Variants in SUGCT observed in about 807,000 individuals in gnomAD.
SUGCT encodes the protein succinyl-CoA:glutarate CoA-transferase.
Under a neutral mutation model 55.0 loss-of-function variants are expected in SUGCT, and 41 were observed. The observed-to-expected ratio is 0.74, with a 90% CI of 0.58 to 0.97. The LOEUF (loss-of-function observed/expected upper bound fraction) is 0.97, where lower values mean the gene tolerates loss of function less well. Ranked by LOEUF, SUGCT falls within the 50% of genes least tolerant of loss-of-function variation. The pLI, the probability that SUGCT is intolerant of heterozygous loss-of-function variation, is 0.00. For missense variants in SUGCT, 568 were observed against 547.8 expected, an observed-to-expected ratio of 1.04 and a Z score of -0.37; for synonymous variants, 187 against 200.4, an observed-to-expected ratio of 0.93 and a Z score of 0.56.
At chr7:40,217,221 T>G (rs1466344840) in intron 6 of SUGCT, among the ~76,000 whole-genome samples, 3 of 151,974 alleles carry the variant, frequency 2.0e-5, no homozygotes, top group African/African-American at 7.2e-5. Context: ...TTCTTCTTCT[T>G]TTTTTTAAGA....
In SUGCT at chr7:40,249,321, A is replaced by ATC. The variant is rs1326008353; in HGVS notation, c.576+11596_576+11597insCT. 4.6e-5 allele frequency among the ~76,000 whole-genome samples: 5 copies of ATC among 109,430 alleles called. No homozygotes were observed. The South Asian group carries it at 1.0e-3, about 23-fold the overall frequency. The allele number at this position is 109,430 out of a possible 152,430, so 71.8% of individuals were successfully genotyped here. ...CAAAAAACACCAAAAAGCTATATAT[A>ATC]TATATATATATATATATATATATAT... On this transcript the variant is annotated intron_variant, in intron 7 of 13. Transcript: ENST00000335693.
At chr7:40,881,202 C>T in the SUGCT span, among the ~76,000 whole-genome samples, 1 of 152,174 alleles carries the variant, frequency 6.6e-6, no homozygotes, top group Admixed American at 6.5e-5. Context: ...AACTACTTCT[C>T]ATGACCCATC....
intron 9 of SUGCT, among the ~76,000 whole-genome samples, chr7:40,339,205 T>TGAG (rs1796904493): frequency 6.6e-6 from 1 of 152,138 alleles, no homozygotes; most frequent in Admixed American, 6.5e-5. Flanking sequence ...GGGGCACACT[T>TGAG]GAGGAGGCAG....
At chr7:40,174,180 G>T (rs1784814479) in intron 1 of SUGCT, among the ~76,000 whole-genome samples, 1 of 152,020 alleles carries the variant, frequency 6.6e-6, no homozygotes, top group Non-Finnish European at 1.5e-5. Context: ...GCGCCACCAT[G>T]CCTGGCTAAT....
the SUGCT span, among the ~76,000 whole-genome samples, chr7:40,989,625 G>T: frequency 9.7e-4 from 146 of 150,858 alleles, no homozygotes; most frequent in African/African-American, 3.5e-3. Flanking sequence ...AAAAAAATCA[G>T]CTGGCCCTGG....
Position 40,284,645 on chromosome 7 carries a change from AACTAG to A in SUGCT, c.720+9990_720+9994del, listed in dbSNP as rs1793196500. On this transcript the variant is annotated intron_variant, in intron 8 of 13. Coordinates refer to ENST00000335693, the MANE Select transcript of SUGCT (RefSeq NM_001193313.2). ...AAAAAAATGAGGTGATGTGTATGTT[AACTAG>A]CTTGATTTAGTCATCTCACAGTGTA... 5.3e-5 allele frequency among the ~76,000 whole-genome samples: 8 copies of A among 151,424 alleles called. No individual in the cohort carries two copies. In the South Asian group the frequency reaches 1.7e-3, roughly 32 times the overall value.
intron 9 of SUGCT, among the ~76,000 whole-genome samples, chr7:40,351,602 C>T (rs941308572): frequency 2.8e-4 from 43 of 152,200 alleles, no homozygotes; most frequent in African/African-American, 1.0e-3. Flanking sequence ...GATCAGAGTT[C>T]CACATAATGT....
chr7:40,393,631 G>T (rs918990195), intron 9 of SUGCT, among the ~76,000 whole-genome samples: 2 of 152,038 alleles, frequency 1.3e-5, no homozygotes, highest in African/African-American at 4.8e-5. Flanking sequence ...AGAGGGAGGT[G>T]TTGAAGATAG....
chr7:40,950,625 C>T, the SUGCT span, among the ~76,000 whole-genome samples: 4 of 152,068 alleles, frequency 2.6e-5, no homozygotes, highest in South Asian at 2.1e-4. Context: ...TTTTGAGATA[C>T]GTCCCATCAA....
chr7:40,531,793 C>T (rs541126942), intron 12 of SUGCT, among the ~76,000 whole-genome samples: 1 of 151,844 alleles, frequency 6.6e-6, no homozygotes, highest in Non-Finnish European at 1.5e-5. Context: ...TCTGGCTCAG[C>T]CTCCCGAGTA....
intron 12 of SUGCT, among the ~76,000 whole-genome samples, chr7:40,618,962 C>G (rs923120567): frequency 1.3e-5 from 2 of 152,158 alleles, no homozygotes; most frequent in Non-Finnish European, 2.9e-5. Flanking sequence ...TGGACACTCT[C>G]CTAATTAGAG....
At chr7:40,344,120 T>G (rs1425542688) in intron 9 of SUGCT, among the ~76,000 whole-genome samples, 1 of 152,248 alleles carries the variant, frequency 6.6e-6, no homozygotes, top group Non-Finnish European at 1.5e-5. Flanking sequence ...TTATTCTATT[T>G]CTTCCTTGCT....
At chr7:40,377,244 T>TA (rs746472751) in intron 9 of SUGCT, among the ~76,000 whole-genome samples, 9,688 of 17,914 alleles carry the variant, frequency 0.54, 4,458 homozygotes, top group Non-Finnish European at 0.77. Flanking sequence ...CCTTCCTTCC[T>TA]TCCTTCTTTC....
chr7:40,625,275 T>C (rs1352607873), intron 12 of SUGCT, among the ~76,000 whole-genome samples: 1 of 152,066 alleles, frequency 6.6e-6, no homozygotes, highest in African/African-American at 2.4e-5. Flanking sequence ...CGCAACCCCC[T>C]TCATCCCCAC....
intron 9 of SUGCT, among the ~76,000 whole-genome samples, chr7:40,362,821 C>G (rs1798221082): frequency 6.6e-6 from 1 of 152,074 alleles, no homozygotes; most frequent in African/African-American, 2.4e-5. Flanking sequence ...AAAATGTAGT[C>G]TTGATCTATA....
intron 12 of SUGCT, among the ~76,000 whole-genome samples, chr7:40,693,933 C>T (rs961737409): frequency 2.6e-5 from 4 of 152,190 alleles, no homozygotes; most frequent in Non-Finnish European, 5.9e-5. Context: ...GAAAAACGTC[C>T]TGCTGTGTTC....
the SUGCT span, among the ~76,000 whole-genome samples, chr7:41,013,386 A>C: frequency 2.6e-5 from 4 of 152,214 alleles, no homozygotes; most frequent in African/African-American, 9.7e-5. Context: ...ACGAACAAAA[A>C]ACAATTTGGC....
chr7:40,950,387 C>T, the SUGCT span, among the ~76,000 whole-genome samples: 1 of 152,090 alleles, frequency 6.6e-6, no homozygotes, highest in Admixed American at 6.6e-5. Flanking sequence ...AGATATACAA[C>T]CATGTCATCT....
chr7:40,393,267 G>T (rs1162124122), intron 9 of SUGCT, among the ~76,000 whole-genome samples: 1 of 152,138 alleles, frequency 6.6e-6, no homozygotes, highest in Non-Finnish European at 1.5e-5. Flanking sequence ...AGAACCAATG[G>T]TATGTGGTAT....
Sources: gnomAD v4.1 joint callset for allele counts (sites outside exome capture counted in the v4.1 genomes callset) on GRCh38, gnomAD v4.1.1 for gene constraint, MANE v1.5 for transcripts, NCBI Gene and HGNC (gene_info 2026-07-23, HGNC 2026-07-21) for gene names.